Variants in DLG1 observed in about 807,000 individuals in gnomAD.
DLG1 encodes disks large homolog 1.
In DLG1, 42 loss-of-function variants were observed where a neutral mutation model predicts 123.4. That is an observed-to-expected ratio of 0.34 (90% CI 0.27 to 0.44). The LOEUF is 0.44. DLG1 is among the 20% of genes least tolerant of loss of function. DLG1 has a pLI of 1.00. For synonymous variants in DLG1, 317 were observed against 356.2 expected, an observed-to-expected ratio of 0.89 and a Z score of 1.24; for missense variants, 942 against 1,082.6, an observed-to-expected ratio of 0.87 and a Z score of 1.82.
chr3:197,085,575 C>T lies in DLG1; in HGVS notation c.1838+5G>A. Reference sequence around the variant, plus strand: ...TCACATTCAAGTGGTAAGAAACAGGCATACCTGCGTTTACTGGGAATCACT... The same window carrying T: ...TCACATTCAAGTGGTAAGAAACAGGTATACCTGCGTTTACTGGGAATCACT... On this transcript the variant is annotated splice_donor_5th_base_variant and intron_variant, in intron 16 of 24. Transcript: ENST00000667157. The T allele has an allele frequency of 1.2e-6, 2 of 1,613,716 alleles. No individual in the cohort carries two copies. Among genetic ancestry groups the T allele is most frequent in the African/African-American group, 1.3e-5 (1 of 74,992 alleles).
chr3:197,075,358 C>T (rs1364705913), intron 18 of DLG1, among the ~76,000 whole-genome samples: 1 of 140,306 alleles, frequency 7.1e-6, no homozygotes, highest in Admixed American at 7.3e-5. Context: ...CACAACCTAT[C>T]CCCTCAATAA....
chr3:197,227,345 C>A (rs1414036399), intron 4 of DLG1, among the ~76,000 whole-genome samples: 2 of 151,810 alleles, frequency 1.3e-5, no homozygotes, highest in African/African-American at 4.8e-5. Flanking sequence ...CGTGGTGGTA[C>A]GCACCTGTAG....
intron 5 of DLG1, among the ~76,000 whole-genome samples, chr3:197,166,246 G>A (rs9816412): frequency 0.15 from 23,264 of 152,098 alleles, 1,914 homozygotes; most frequent in African/African-American, 0.2. Flanking sequence ...TCCAACTAGG[G>A]CAGCAATGAT....
chr3:197,176,207 TA>T lies in DLG1; in HGVS notation c.483+18217del, dbSNP rs1806981876. ...TTTTAATAGACTTTATATATTTTTTTAGAGCAGTTTTAGTTCCCATATGCCC... is the reference window on the plus strand; with the variant it reads ...TTTTAATAGACTTTATATATTTTTTTGAGCAGTTTTAGTTCCCATATGCCC... On this transcript the variant is annotated intron_variant, in intron 5 of 24. Coordinates refer to ENST00000667157, the MANE Select transcript of DLG1 (RefSeq NM_001366207.1). Among the ~76,000 whole-genome samples the T allele has an allele frequency of 2.6e-5, 4 of 152,140 alleles. No homozygotes were observed. In the South Asian group the frequency reaches 8.3e-4, roughly 32 times the overall value.
At position 197,138,778 on chromosome 3, in the gene DLG1, G is replaced by A. The variant is rs184076927; in HGVS notation, c.714-387C>T. Among the ~76,000 whole-genome samples, 835 of 152,148 alleles carry A rather than the reference G, an allele frequency of 5.5e-3. 7 individuals carry two copies. The highest frequency in any genetic ancestry group is 6.2e-3 in the Non-Finnish European group (423 of 67,978). On this transcript the variant is annotated intron_variant, in intron 8 of 24. Coordinates refer to ENST00000667157, the MANE Select transcript of DLG1 (RefSeq NM_001366207.1). ...ACTTTCTTGGTATTTTAACCCTCAT[G>A]ACACCTGTAAGCTTAATATATATTT... is the stretch of plus-strand genomic sequence containing the variant.
intron 4 of DLG1, among the ~76,000 whole-genome samples, chr3:197,280,675 T>G (rs3903682): frequency 0.29 from 43,389 of 151,994 alleles, 7,491 homozygotes; most frequent in East Asian, 0.71. Context: ...GTAAATCGAG[T>G]ATAAGAATTC....
At chr3:197,192,502 G>T (rs2150239940) in intron 5 of DLG1, among the ~76,000 whole-genome samples, 1 of 151,834 alleles carries the variant, frequency 6.6e-6, no homozygotes, top group South Asian at 2.1e-4. Context: ...GAGAAAGGAA[G>T]AAAAGATAGA....
At chr3:197,255,671 C>T (rs776217918) in intron 4 of DLG1, among the ~76,000 whole-genome samples, 15 of 151,986 alleles carry the variant, frequency 9.9e-5, no homozygotes, top group African/African-American at 1.2e-4. Flanking sequence ...GCTACCAGCA[C>T]GCACAGTAAC....
intron 17 of DLG1, among the ~76,000 whole-genome samples, chr3:197,079,205 A>G (rs1297494504): frequency 6.6e-6 from 1 of 152,230 alleles, no homozygotes; most frequent in Non-Finnish European, 1.5e-5. Flanking sequence ...AGACAGTGTA[A>G]GAATTGATAA....
chr3:197,276,989 T>C (rs1221191176), intron 4 of DLG1, among the ~76,000 whole-genome samples: 1 of 150,700 alleles, frequency 6.6e-6, no homozygotes, highest in Non-Finnish European at 1.5e-5. Context: ...CCTCCAGGAC[T>C]CAAGCGATCT....
intron 21 of DLG1, 60 bp from the exon 22 acceptor site, chr3:197,065,508 C>T: frequency 7.2e-7 from 1 of 1,391,334 alleles, no homozygotes; most frequent in Non-Finnish European, 9.8e-7. Context: ...ACAATAAATC[C>T]ATTTTCTACT....
At chr3:197,107,624 TTAAG>T (rs777037267) in intron 13 of DLG1, among the ~76,000 whole-genome samples, 3 of 152,120 alleles carry the variant, frequency 2.0e-5, no homozygotes, top group South Asian at 2.1e-4. Context: ...AAATTTATAC[TTAAG>T]TATTTTATTC....
At chr3:197,183,738 C>T (rs1295421810) in intron 5 of DLG1, 1 of 1,550,518 alleles carries the variant, frequency 6.4e-7, no homozygotes, top group East Asian at 2.4e-5. Context: ...TGAGCCATGG[C>T]TAGAGCTAGT....
chr3:197,231,475 C>T (rs562271441), intron 4 of DLG1, among the ~76,000 whole-genome samples: 54 of 152,074 alleles, frequency 3.6e-4, no homozygotes, highest in African/African-American at 1.2e-3. Flanking sequence ...GCCGAGCGGG[C>T]GGGTCGCTTA....
chr3:197,102,664 T>C (rs758125400), intron 14 of DLG1, among the ~76,000 whole-genome samples: 1 of 152,310 alleles, frequency 6.6e-6, no homozygotes, highest in East Asian at 1.9e-4. Flanking sequence ...GCAGATCACC[T>C]GAGGTCAGGA....
chr3:197,080,146 A>G (rs1265521051), intron 17 of DLG1, among the ~76,000 whole-genome samples: 1 of 151,852 alleles, frequency 6.6e-6, no homozygotes, highest in African/African-American at 2.4e-5. Context: ...TACGGGATGA[A>G]GCCTGTACCA....
intron 6 of DLG1, among the ~76,000 whole-genome samples, chr3:197,144,663 A>C (rs1246899929): frequency 6.6e-6 from 1 of 152,242 alleles, no homozygotes; most frequent in Non-Finnish European, 1.5e-5. Context: ...TATAGGGACC[A>C]GGAGTTTCTT....
At chr3:197,076,329 T>C (rs1747254595) in intron 18 of DLG1, among the ~76,000 whole-genome samples, 1 of 152,244 alleles carries the variant, frequency 6.6e-6, no homozygotes, top group South Asian at 2.1e-4. Context: ...TTCAAATAAC[T>C]GCATTTATAC....
intron 16 of DLG1, among the ~76,000 whole-genome samples, chr3:197,085,124 TTA>T (rs970530276): frequency 1.3e-5 from 2 of 150,758 alleles, no homozygotes; most frequent in Non-Finnish European, 1.5e-5. Context: ...CTTAATGATT[TTA>T]TATATATATA....
Sources: allele counts gnomAD v4.1 joint callset (sites outside exome capture counted in the v4.1 genomes callset), GRCh38; gene constraint gnomAD v4.1.1; transcripts MANE v1.5; gene names NCBI Gene and HGNC (gene_info 2026-07-23, HGNC 2026-07-21).